OSTF1: variants seen among roughly 807,000 people sequenced by gnomAD.
OSTF1 encodes the protein osteoclast stimulating factor 1.
Under a neutral mutation model 37.2 loss-of-function variants are expected in OSTF1, and 27 were observed. The ratio of observed to expected loss-of-function variants is 0.73; its 90% confidence interval spans 0.54 to 1.00. The LOEUF is 1.00. Ranked by LOEUF, OSTF1 falls within the 50% of genes least tolerant of loss-of-function variation. The probability of loss-of-function intolerance (pLI) is 0.00; values close to 1 mark genes in which losing one functional copy is unlikely to be tolerated. For missense variants in OSTF1, 232 were observed against 253.8 expected, an observed-to-expected ratio of 0.91 and a Z score of 0.58; for synonymous variants, 82 against 89.2, an observed-to-expected ratio of 0.92 and a Z score of 0.46.
chr9:75,118,039 G>T (rs1400796710), intron 2 of OSTF1, among the ~76,000 whole-genome samples: 1 of 152,156 alleles, frequency 6.6e-6, no homozygotes, highest in Non-Finnish European at 1.5e-5. Context: ...GCCAGACACT[G>T]GTCCAGGCCT....
chr9:75,089,262 G>GA (rs994781347), intron 1 of OSTF1, among the ~76,000 whole-genome samples: 1 of 150,630 alleles, frequency 6.6e-6, no homozygotes, highest in Non-Finnish European at 1.5e-5. Context: ...AGAGCGTTTA[G>GA]AAAAAAACCC....
At chr9:75,090,783 G>A (rs1824958540) in intron 1 of OSTF1, among the ~76,000 whole-genome samples, 1 of 151,970 alleles carries the variant, frequency 6.6e-6, no homozygotes, top group Non-Finnish European at 1.5e-5. Flanking sequence ...GACTAGCCTG[G>A]GCAACATAGC....
intron 1 of OSTF1, among the ~76,000 whole-genome samples, chr9:75,098,785 A>G (rs941826399): frequency 1.3e-5 from 2 of 152,220 alleles, no homozygotes; most frequent in Non-Finnish European, 2.9e-5. Context: ...CTTGCTTTAC[A>G]GAAATCATTG....
In OSTF1 at chr9:75,142,237, A is replaced by G. The variant is rs552613038; in HGVS notation, c.586+1305A>G. ...GATGGAGATGGGTTCTACTAAGGGA[A>G]TGGGAAAGTATCAGCTGAGCTGGTG... On this transcript the variant is annotated intron_variant, in intron 9 of 9. Transcript: ENST00000346234. Among the ~76,000 whole-genome samples, 114 of 152,316 alleles carry G rather than the reference A, an allele frequency of 7.5e-4. 2 individuals carry two copies. The South Asian group carries it at 0.012, about 16-fold the overall frequency.
chr9:75,144,386 A>G (rs548678733), intron 9 of OSTF1, among the ~76,000 whole-genome samples: 1 of 152,272 alleles, frequency 6.6e-6, no homozygotes, highest in South Asian at 2.1e-4. Context: ...TGACGTCTTT[A>G]CAAAAAAAAT....
At chr9:75,135,901 GTATGGCTGTTTGC>G (rs1273031053) in intron 7 of OSTF1, among the ~76,000 whole-genome samples, 2 of 152,226 alleles carry the variant, frequency 1.3e-5, no homozygotes, top group Non-Finnish European at 2.9e-5. Context: ...ACAGCTCACA[GTATGGCTGTTTGC>G]TTTCTTCCTC....
intron 1 of OSTF1, among the ~76,000 whole-genome samples, chr9:75,114,554 A>ATT (rs34381078): frequency 2.9e-5 from 4 of 137,614 alleles, no homozygotes; most frequent in African/African-American, 8.1e-5. Flanking sequence ...TTTAATATTA[A>ATT]TTTTTTTTTT....
At chr9:75,138,049 G>C (rs188747050) in intron 8 of OSTF1, among the ~76,000 whole-genome samples, 1 of 152,328 alleles carries the variant, frequency 6.6e-6, no homozygotes, top group African/African-American at 2.4e-5. Context: ...TTTGAGCTGA[G>C]CAGGTGCTAG....
At chr9:75,130,507 C>A in intron 3 of OSTF1, 71 bp from the exon 4 acceptor site, 1 of 1,004,728 alleles carries the variant, frequency 1.0e-6, no homozygotes, top group Admixed American at 1.7e-5. Flanking sequence ...TCCCTAGGAG[C>A]TAGATAATTT....
chr9:75,130,548 T>A (rs376092754), intron 3 of OSTF1, 30 bp from the exon 4 acceptor site: 49 of 1,483,966 alleles, frequency 3.3e-5, no homozygotes, highest in Non-Finnish European at 4.5e-5. Flanking sequence ...CTGGATTTCA[T>A]ACCACTTAAT....
At chr9:75,135,227 A>G (rs1380130057) in intron 7 of OSTF1, among the ~76,000 whole-genome samples, 2 of 152,196 alleles carry the variant, frequency 1.3e-5, no homozygotes, top group African/African-American at 4.8e-5. Flanking sequence ...CTAGGTCAAA[A>G]ACAGTTTCCC....
intron 1 of OSTF1, among the ~76,000 whole-genome samples, chr9:75,107,068 C>T (rs76819918): frequency 6.6e-6 from 1 of 151,292 alleles, no homozygotes; most frequent in Admixed American, 6.6e-5. Flanking sequence ...GAGCTAATCA[C>T]CTCATTTATG....
rs62569060 is a variant in OSTF1 at position 75,137,377 on chromosome 9, G to T, written c.409-161G>T. 0.041 allele frequency among the ~76,000 whole-genome samples: 6,254 copies of T among 152,140 alleles called. 140 individuals are homozygous for T. Among genetic ancestry groups the T allele is most frequent in the Middle Eastern group, 0.065 (19 of 294 alleles). ...AAAAATGACTCCTCTCCCATCTCTT[G>T]AGTCTCCTTTCCTTTTCTCTTTGGA... On this transcript the variant is annotated intron_variant, in intron 7 of 9. Transcript: ENST00000346234.
chr9:75,097,194 C>T (rs982753832), intron 1 of OSTF1, among the ~76,000 whole-genome samples: 1 of 152,152 alleles, frequency 6.6e-6, no homozygotes, highest in Non-Finnish European at 1.5e-5. Context: ...ATAAATCATT[C>T]TCTTTGATCT....
intron 9 of OSTF1, among the ~76,000 whole-genome samples, chr9:75,142,117 T>C (rs1245683412): frequency 6.6e-6 from 1 of 152,184 alleles, no homozygotes; most frequent in East Asian, 1.9e-4. Flanking sequence ...TCAGTTTGAA[T>C]ATAGTGTAAC....
chr9:75,093,626 G>C (rs1564151969), intron 1 of OSTF1, among the ~76,000 whole-genome samples: 1 of 151,976 alleles, frequency 6.6e-6, no homozygotes. Flanking sequence ...AGGTTTTTTT[G>C]TTATTCAGAG....
At chr9:75,143,294 A>C (rs1035210026) in intron 9 of OSTF1, among the ~76,000 whole-genome samples, 2 of 152,190 alleles carry the variant, frequency 1.3e-5, no homozygotes, top group East Asian at 1.9e-4. Context: ...GATAACTAGG[A>C]TATAGGGCTG....
intron 1 of OSTF1, among the ~76,000 whole-genome samples, chr9:75,108,270 AAAAG>A (rs1218395688): frequency 3.5e-5 from 5 of 142,864 alleles, no homozygotes; most frequent in Admixed American, 2.8e-4. Flanking sequence ...AGAAAAAAGA[AAAAG>A]AAAAAATTTG....
intron 9 of OSTF1, among the ~76,000 whole-genome samples, chr9:75,143,092 A>T (rs1289814651): frequency 3.3e-5 from 5 of 152,128 alleles, no homozygotes; most frequent in African/African-American, 9.7e-5. Flanking sequence ...GGCATGAGCC[A>T]CGATGCCCGG....
Sources: allele counts gnomAD v4.1 joint callset (sites outside exome capture counted in the v4.1 genomes callset), GRCh38; gene constraint gnomAD v4.1.1; transcripts MANE v1.5; gene names NCBI Gene and HGNC (gene_info 2026-07-23, HGNC 2026-07-21).